The following MLLT10 variants were observed in gnomAD, a reference collection of about 807,000 sequenced individuals.
MLLT10 encodes protein AF-10.
MLLT10 carries 30 observed loss-of-function variants against 129.1 expected under a neutral mutation model. The ratio of observed to expected loss-of-function variants is 0.23; its 90% CI spans 0.17 to 0.32. The LOEUF (loss-of-function observed/expected upper bound fraction) is 0.32. Ranked by LOEUF, MLLT10 falls within the 10% of genes least tolerant of loss-of-function variation. MLLT10 has a pLI of 1.00. For missense variants in MLLT10, 1,119 were observed against 1,268.3 expected (o/e 0.88, Z 1.79); for synonymous variants, 490 against 446.4 (o/e 1.10, Z -1.23).
chr10:21,658,554 C>G (rs531083639), intron 9 of MLLT10, among the ~76,000 whole-genome samples: 3 of 152,240 alleles, frequency 2.0e-5, no homozygotes, highest in East Asian at 3.9e-4. Context: ...AATAAAGCTA[C>G]TATAAATATT....
chr10:21,564,650 C>T (rs2039312011), intron 3 of MLLT10: 1 of 151,334 alleles, frequency 6.6e-6, no homozygotes, highest in African/African-American at 2.4e-5. Flanking sequence ...AGAGTCTCCC[C>T]ATCTCTACTA....
intron 8 of MLLT10, among the ~76,000 whole-genome samples, chr10:21,622,632 G>A (rs2045997757): frequency 6.6e-6 from 1 of 152,114 alleles, no homozygotes; most frequent in South Asian, 2.1e-4. Context: ...TATTTGTTAT[G>A]CCTGTTAATG....
chr10:21,588,304 T>C (rs2042188920), intron 4 of MLLT10, among the ~76,000 whole-genome samples: 1 of 152,192 alleles, frequency 6.6e-6, no homozygotes, highest in Non-Finnish European at 1.5e-5. Flanking sequence ...TGACCTCAAA[T>C]GATCCTACTG....
Position 21,538,974 on chromosome 10 carries a change from A to G in MLLT10, c.240+62A>G, listed in dbSNP as rs2034590619. 1.3e-5 allele frequency: 16 copies of G among 1,195,172 alleles called. No homozygotes were observed. The East Asian group carries it at 3.8e-4, about 28-fold the overall frequency. 74.0% of individuals were successfully genotyped at this position (1,195,172 alleles called of 1,614,324 possible). A position where few individuals can be genotyped will look rare whatever the true frequency, so the allele number is the denominator to read the frequency against. On this transcript the variant is annotated intron_variant, in intron 3 of 22. Transcript: ENST00000307729. ...AGTAGGTTAGGAAATTAGGAACTGC[A>G]CTCCTGTTGTGGTTTGTGGGGTTGT...
chr10:21,611,350 G>A (rs188454623), intron 5 of MLLT10, among the ~76,000 whole-genome samples: 2 of 151,490 alleles, frequency 1.3e-5, no homozygotes, highest in East Asian at 1.9e-4. Context: ...CATGTACCTA[G>A]TTAGATAATT....
intron 3 of MLLT10, among the ~76,000 whole-genome samples, chr10:21,562,984 T>A (rs2039057864): frequency 6.6e-6 from 1 of 151,892 alleles, no homozygotes; most frequent in African/African-American, 2.4e-5. Context: ...CACACCTGGC[T>A]AATTTTGTAT....
chr10:21,626,068 C>T, intron 8 of MLLT10: 1 of 1,545,210 alleles, frequency 6.5e-7, no homozygotes, highest in Non-Finnish European at 8.9e-7. Flanking sequence ...CCTTGATCTT[C>T]ACTTCATCAG....
intron 4 of MLLT10, among the ~76,000 whole-genome samples, chr10:21,594,674 G>A (rs1458396352): frequency 6.6e-6 from 1 of 150,376 alleles, no homozygotes; most frequent in Non-Finnish European, 1.5e-5. Flanking sequence ...TTCTTTTCCG[G>A]TTTTAGCCCA....
chr10:21,689,494 A>G (rs565126942), intron 13 of MLLT10, among the ~76,000 whole-genome samples: 3 of 148,828 alleles, frequency 2.0e-5, no homozygotes, highest in African/African-American at 7.4e-5. Flanking sequence ...TGAGGTATGT[A>G]CAGTTAGCAT....
Position 21,637,796 on chromosome 10 carries a change from A to G in MLLT10, c.700-13877A>G, listed in dbSNP as rs569906789. Among the ~76,000 whole-genome samples, 33 of 152,360 alleles carry G rather than the reference A, an allele frequency of 2.2e-4. 1 individual carries two copies. The South Asian group carries it at 6.0e-3, about 28-fold the overall frequency. ...TAGAAATGTCCAGAACAACCTACCA[A>G]GTACCATCAGTGTGTAGTGGATTTA... is the stretch of plus-strand genomic sequence containing the variant. On this transcript the variant is annotated intron_variant, in intron 8 of 22. Coordinates refer to ENST00000307729, the MANE Select transcript of MLLT10 (RefSeq NM_001195626.3).
chr10:21,607,570 C>T (rs1238833876), intron 5 of MLLT10, among the ~76,000 whole-genome samples: 1 of 152,156 alleles, frequency 6.6e-6, no homozygotes, highest in African/African-American at 2.4e-5. Context: ...ATCCGCCCAC[C>T]TTGTCCTCCC....
chr10:21,540,304 C>T (rs1190500060), intron 3 of MLLT10, among the ~76,000 whole-genome samples: 5 of 151,588 alleles, frequency 3.3e-5, no homozygotes, highest in Admixed American at 2.6e-4. Flanking sequence ...ACGGGAGAAT[C>T]GCTTGAATGA....
At chr10:21,546,439 C>T (rs560692806) in intron 3 of MLLT10, among the ~76,000 whole-genome samples, 1 of 151,690 alleles carries the variant, frequency 6.6e-6, no homozygotes, top group East Asian at 1.9e-4. Flanking sequence ...GAGTCTCACT[C>T]TGTGGCCCAG....
intron 8 of MLLT10, among the ~76,000 whole-genome samples, chr10:21,618,845 G>A (rs1390615412): frequency 1.3e-5 from 2 of 151,964 alleles, no homozygotes; most frequent in Admixed American, 1.3e-4. Context: ...TGATTGTCGT[G>A]CCTCAGCCTA....
intron 8 of MLLT10, among the ~76,000 whole-genome samples, chr10:21,626,624 C>T (rs2046469189): frequency 6.6e-6 from 1 of 152,152 alleles, no homozygotes; most frequent in South Asian, 2.1e-4. Flanking sequence ...TTGGCAGGAA[C>T]ACACCACACT....
At chr10:21,617,563 C>T (rs1005646257) in intron 8 of MLLT10, among the ~76,000 whole-genome samples, 1 of 151,920 alleles carries the variant, frequency 6.6e-6, no homozygotes, top group Non-Finnish European at 1.5e-5. Flanking sequence ...CAGCTTTTTT[C>T]CTTTATAATA....
intron 13 of MLLT10, among the ~76,000 whole-genome samples, chr10:21,701,682 G>A (rs1485635121): frequency 6.6e-6 from 1 of 151,984 alleles, no homozygotes; most frequent in Non-Finnish European, 1.5e-5. Flanking sequence ...TGCCTCCTGG[G>A]GTCCAGCAAT....
chr10:21,652,003 A>T (rs569958487), intron 9 of MLLT10, among the ~76,000 whole-genome samples: 354 of 136,256 alleles, frequency 2.6e-3, no homozygotes, highest in Non-Finnish European at 3.9e-3. Context: ...ACCTCCACTT[A>T]CCTGGTTCAA....
At chr10:21,631,653 G>A (rs2047024850) in intron 8 of MLLT10, among the ~76,000 whole-genome samples, 1 of 152,084 alleles carries the variant, frequency 6.6e-6, no homozygotes, top group Admixed American at 6.5e-5. Context: ...TTACCATGGT[G>A]GAGCAGGAGA....
Sources: gnomAD v4.1 joint callset for allele counts (sites outside exome capture counted in the v4.1 genomes callset) on GRCh38, gnomAD v4.1.1 for gene constraint, MANE v1.5 for transcripts, NCBI Gene and HGNC (gene_info 2026-07-23, HGNC 2026-07-21) for gene names.